GABRA2: variants seen among roughly 807,000 people sequenced by gnomAD.
GABRA2 encodes gamma-aminobutyric acid type A receptor subunit alpha2.
In GABRA2, 16 loss-of-function variants were observed where a neutral mutation model predicts 48.7. The observed-to-expected ratio is 0.33, with a 90% CI of 0.22 to 0.50. The LOEUF (loss-of-function observed/expected upper bound fraction) is 0.50, where lower values mean the gene tolerates loss of function less well. Among genes scored for constraint, GABRA2 ranks in the 20% least tolerant of loss-of-function variants. The pLI is 0.98. For synonymous variants in GABRA2, 185 were observed against 184.5 expected (o/e 1.00, Z -0.02); for missense variants, 275 against 535.6 (o/e 0.51, Z 4.80).
intron 8 of GABRA2, among the ~76,000 whole-genome samples, chr4:46,287,292 T>TTCC (rs1722738617): frequency 6.6e-6 from 1 of 151,888 alleles, no homozygotes. Context: ...AGCTTTGTTC[T>TTCC]TGTTTAGGAT....
chr4:46,312,307 C>T (rs1560512786), intron 5 of GABRA2, among the ~76,000 whole-genome samples, 189 bp downstream of exon 5: 1 of 152,006 alleles, frequency 6.6e-6, no homozygotes, highest in Non-Finnish European at 1.5e-5. Flanking sequence ...TAAGATGAGA[C>T]TCAAACTCAA....
At chr4:46,312,754 TGTTGTAGACACA>T in intron 4 of GABRA2, 38 bp from the exon 5 acceptor site, 1 of 1,054,494 alleles carries the variant, frequency 9.5e-7, no homozygotes, top group South Asian at 1.5e-5. Context: ...AAATAGTAAA[TGTTGTAGACACA>T]AGACACGGTA....
chr4:46,382,718 C>T lies in GABRA2; in HGVS notation c.187+3356G>A, dbSNP rs536219858. ...ACTCTCCTTCTCTCAGAATAAAATT[C>T]TATTATTCCCATTTTCCCAAAGAAA... On this transcript the variant is annotated intron_variant, in intron 3 of 9. Coordinates refer to ENST00000381620, the MANE Select transcript of GABRA2 (RefSeq NM_000807.4). Among the ~76,000 whole-genome samples, 41 of 152,218 alleles carry T rather than the reference C, an allele frequency of 2.7e-4. No homozygotes were observed. In the South Asian group the frequency reaches 7.9e-3, roughly 29 times the overall value.
In GABRA2 at chr4:46,288,598, A is replaced by T. The variant is rs116363402; in HGVS notation, c.856+14862T>A. 7.5e-3 allele frequency among the ~76,000 whole-genome samples: 1,150 copies of T among 152,318 alleles called. 15 individuals are homozygous for T. Among genetic ancestry groups the T allele is most frequent in the African/African-American group, 0.026 (1,081 of 41,568 alleles). ...TCAAAGACTTAAATGGAAAACCCAA[A>T]ACTATAAAAAGCCTGGAAGAGAATC... On this transcript the variant is annotated intron_variant, in intron 8 of 9. Coordinates refer to ENST00000381620, the MANE Select transcript of GABRA2 (RefSeq NM_000807.4).
chr4:46,270,982 GC>G (rs913512644), intron 8 of GABRA2, among the ~76,000 whole-genome samples: 12 of 134,820 alleles, frequency 8.9e-5, no homozygotes, highest in Admixed American at 5.4e-4. Flanking sequence ...GTAAAGCTGT[GC>G]CCCTACTATA....
chr4:46,377,504 G>A lies in GABRA2; in HGVS notation c.187+8570C>T, dbSNP rs11936382. Among the ~76,000 whole-genome samples the A allele has an allele frequency of 9.2e-4, 115 of 125,376 alleles. 1 individual carries two copies. Among genetic ancestry groups the A allele is most frequent in the East Asian group, 3.5e-3 (12 of 3,404 alleles). The allele number at this position is 125,376 out of a possible 152,430, so 82.3% of individuals were successfully genotyped here. On this transcript the variant is annotated intron_variant, in intron 3 of 9. Transcript: ENST00000381620. ...TGAGGAGCCCCTCCGCCCAGCAACC[G>A]CCCCGTCTGAGAAGTGAGGAGCCCC...
intron 3 of GABRA2, among the ~76,000 whole-genome samples, chr4:46,339,187 G>T (rs902269967): frequency 2.6e-5 from 4 of 151,750 alleles, no homozygotes; most frequent in Admixed American, 2.0e-4. Flanking sequence ...TGGTAGACAT[G>T]AGACACATGT....
At chr4:46,278,671 G>A (rs1720959250) in intron 8 of GABRA2, among the ~76,000 whole-genome samples, 1 of 152,036 alleles carries the variant, frequency 6.6e-6, no homozygotes, top group African/African-American at 2.4e-5. Context: ...ATATATAGCT[G>A]TGTTTCATAT....
intron 4 of GABRA2, among the ~76,000 whole-genome samples, chr4:46,319,397 A>C (rs1032819344): frequency 6.6e-6 from 1 of 151,742 alleles, no homozygotes. Flanking sequence ...GTAAATTCCA[A>C]TCAGTGTGTT....
chr4:46,329,461 C>T (rs1299592719), intron 4 of GABRA2, among the ~76,000 whole-genome samples: 3 of 152,062 alleles, frequency 2.0e-5, no homozygotes, highest in Non-Finnish European at 4.4e-5. Context: ...TCAGCATATA[C>T]CCTCACATGT....
intron 3 of GABRA2, among the ~76,000 whole-genome samples, chr4:46,339,768 T>A (rs1006581673): frequency 1.3e-5 from 2 of 151,802 alleles, no homozygotes; most frequent in Non-Finnish European, 2.9e-5. Context: ...CCTAATAATA[T>A]CGGAATGCCA....
intron 8 of GABRA2, among the ~76,000 whole-genome samples, chr4:46,290,287 A>T (rs1723383865): frequency 6.6e-6 from 1 of 151,750 alleles, no homozygotes; most frequent in African/African-American, 2.4e-5. Flanking sequence ...TTTGAGAACT[A>T]GTTTTTGAAT....
At chr4:46,377,003 C>A (rs1715828799) in intron 3 of GABRA2, among the ~76,000 whole-genome samples, 1 of 152,140 alleles carries the variant, frequency 6.6e-6, no homozygotes, top group East Asian at 1.9e-4. Flanking sequence ...TCCTGAGGTG[C>A]CGGGATTGCA....
At chr4:46,352,797 A>G (rs1735353239) in intron 3 of GABRA2, among the ~76,000 whole-genome samples, 1 of 152,118 alleles carries the variant, frequency 6.6e-6, no homozygotes, top group African/African-American at 2.4e-5. Context: ...GTGAGCATCC[A>G]TATTGACTTT....
intron 4 of GABRA2, among the ~76,000 whole-genome samples, chr4:46,321,475 G>T (rs779631532): frequency 6.6e-6 from 1 of 152,058 alleles, no homozygotes. Context: ...TCTTAAATGT[G>T]CATAATAAAA....
intron 8 of GABRA2, among the ~76,000 whole-genome samples, chr4:46,298,114 C>A (rs1725083837): frequency 6.6e-6 from 1 of 152,024 alleles, no homozygotes; most frequent in Non-Finnish European, 1.5e-5. Context: ...ATTATTTCAA[C>A]CTTCTAAAAT....
intron 3 of GABRA2, among the ~76,000 whole-genome samples, chr4:46,385,618 T>C (rs1447055381): frequency 3.3e-5 from 5 of 152,126 alleles, no homozygotes; most frequent in African/African-American, 4.8e-5. Context: ...AGTATCATCA[T>C]AGAATGCTAA....
chr4:46,261,943 T>C lies in GABRA2; in HGVS notation c.1042A>G (p.Ser348Gly), dbSNP rs1717073975. ...TCACTTACCTTGTCATTTACTACAC[T>C]CTTCCCATCCCAAGCCCATCCTCTT... ...TKRGWAWDGK[S>G]VVNDKKKEKA... The change falls in exon 9 of 10, where the codon AGT becomes GGT. Residue 348 changes from serine (S) to glycine (G), a missense_variant. Physicochemically the swap from Ser to Gly is moderately conservative, Grantham distance 56. Coordinates refer to ENST00000381620, the MANE Select transcript of GABRA2 (RefSeq NM_000807.4). The C allele has an allele frequency of 6.2e-7, 1 of 1,613,470 alleles. No individual in the cohort carries two copies. The highest frequency in any genetic ancestry group is 1.7e-5 in the Admixed American group (1 of 59,940).
chr4:46,390,058 G>A lies in GABRA2; in HGVS notation c.-334C>T. On this transcript the variant is annotated 5_prime_UTR_variant, in exon 1 of 10. Transcript: ENST00000381620. Reference sequence around the variant, plus strand: ...AAACGATGACAGGAGCTGGGGCCGGGGGGGGAAATTGGGGGGACGCGGGCG... The same window carrying A: ...AAACGATGACAGGAGCTGGGGCCGGAGGGGGAAATTGGGGGGACGCGGGCG... 1 of 359,554 alleles carries A rather than the reference G, an allele frequency of 2.8e-6. No individual in the cohort carries two copies. Among genetic ancestry groups the A allele is most frequent in the Non-Finnish European group, 3.9e-6 (1 of 259,724 alleles). The allele number at this position is 359,554 out of a possible 1,614,324, so 22.3% of individuals were successfully genotyped here.
Sources: gnomAD v4.1 joint callset for allele counts (sites outside exome capture counted in the v4.1 genomes callset) on GRCh38, gnomAD v4.1.1 for gene constraint, MANE v1.5 for transcripts, NCBI Gene and HGNC (gene_info 2026-07-23, HGNC 2026-07-21) for gene names.